Variants in PACRGL observed in about 807,000 individuals in gnomAD.
PACRGL encodes the protein parkin coregulated like.
A neutral mutation model predicts 34.5 loss-of-function variants in PACRGL; 38 were observed. The ratio of observed to expected loss-of-function variants is 1.10; its 90% confidence interval spans 0.85 to 1.44. PACRGL has a LOEUF of 1.44. PACRGL is among the 40% of genes most tolerant of loss of function. The pLI is 0.00. For synonymous variants in PACRGL, 128 were observed against 100.1 expected (o/e 1.28, Z -1.66); for missense variants, 305 against 281.4 (o/e 1.08, Z -0.60).
At chr4:20,734,030 T>C (rs1473932642), downstream of PACRGL, among the ~76,000 whole-genome samples, 1 of 152,210 alleles carries the variant, frequency 6.6e-6, no homozygotes, top group African/African-American at 2.4e-5. Context: ...ACACTGAGAA[T>C]GCCCAGGATT....
chr4:20,766,812 T>C, the PACRGL span: 7 of 152,176 alleles, frequency 4.6e-5, no homozygotes, highest in African/African-American at 1.7e-4. Flanking sequence ...TAGAGGAATC[T>C]AGTGCAGTGC....
chr4:20,729,950 T>TAAAACAAAGCTTGTTTGCA lies in PACRGL; in HGVS notation c.*2610_*2628dup, dbSNP rs1463949307. On this transcript the variant is annotated 3_prime_UTR_variant, in exon 9 of 9. Coordinates refer to ENST00000503585, the MANE Select transcript of PACRGL (RefSeq NM_001258345.3). ...AAATCTTTTGGGGATTGCTTTATATTAAAACAAAGCTTGTTTGCATAATAT... is the reference window on the plus strand; with the variant it reads ...AAATCTTTTGGGGATTGCTTTATATTAAAACAAAGCTTGTTTGCAAAAACAAAGCTTGTTTGCATAATAT... The TAAAACAAAGCTTGTTTGCA allele has an allele frequency of 1.4e-3, 1,572 of 1,102,354 alleles. 32 individuals are homozygous for TAAAACAAAGCTTGTTTGCA. The South Asian group carries it at 0.025, about 17-fold the overall frequency. 68.3% of individuals were successfully genotyped at this position (1,102,354 alleles called of 1,614,324 possible).
chr4:20,764,263 T>C, the PACRGL span, among the ~76,000 whole-genome samples: 23 of 152,282 alleles, frequency 1.5e-4, no homozygotes, highest in Non-Finnish European at 1.5e-5. Context: ...TATATAAGCA[T>C]ATATACCGTA....
rs932909578 is a variant in PACRGL, at chr4:20,729,529, T to A, written c.*2188T>A. 11 of 151,540 alleles carry A rather than the reference T, an allele frequency of 7.3e-5. No individual in the cohort carries two copies. Among genetic ancestry groups the A allele is most frequent in the Non-Finnish European group, 8.8e-5 (6 of 67,996 alleles). 9.4% of individuals were successfully genotyped at this position (151,540 alleles called of 1,614,324 possible). A position where few individuals can be genotyped will look rare whatever the true frequency, so the allele number is the denominator to read the frequency against. On this transcript the variant is annotated 3_prime_UTR_variant, in exon 9 of 9. Coordinates refer to ENST00000503585, the MANE Select transcript of PACRGL (RefSeq NM_001258345.3). ...TTAAAAATGCCAGATAAAACTAATT[T>A]CTAACAGAAGGTGGGAAGGCCATAG...
the PACRGL span, among the ~76,000 whole-genome samples, chr4:20,760,051 C>T: frequency 2.0e-5 from 3 of 152,092 alleles, no homozygotes; most frequent in African/African-American, 2.4e-5. Flanking sequence ...TTCAGAGGGG[C>T]GACTATATTT....
intron 8 of PACRGL, 78 bp downstream of exon 8, chr4:20,724,966 A>G: frequency 1.3e-6 from 1 of 758,636 alleles, no homozygotes; most frequent in East Asian, 3.2e-5. Flanking sequence ...TATATATTTA[A>G]CATATACTAT....
the PACRGL span, among the ~76,000 whole-genome samples, chr4:20,763,999 A>C: frequency 6.6e-6 from 1 of 152,318 alleles, no homozygotes; most frequent in Admixed American, 6.5e-5. Context: ...TTTTTTCATT[A>C]GATTTTTCTA....
downstream of PACRGL, among the ~76,000 whole-genome samples, chr4:20,735,518 GTTT>G (rs754949562): frequency 2.3e-5 from 3 of 130,812 alleles, no homozygotes; most frequent in Admixed American, 8.1e-5. Flanking sequence ...TTCATTTAGT[GTTT>G]TTTTTTTTGT....
intron 8 of PACRGL, among the ~76,000 whole-genome samples, chr4:20,742,292 G>A (rs755425636): frequency 3.1e-4 from 47 of 152,296 alleles, no homozygotes; most frequent in Non-Finnish European, 4.7e-4. Context: ...CAATATCCCT[G>A]CTGAACATCG....
chr4:20,705,924 A>G (rs1362238474), intron 3 of PACRGL, among the ~76,000 whole-genome samples: 2 of 147,332 alleles, frequency 1.4e-5, no homozygotes, highest in Non-Finnish European at 3.0e-5. Flanking sequence ...AAACTTTCAG[A>G]TTTTTCAACT....
At chr4:20,720,906 A>G (rs1427591983) in intron 7 of PACRGL, among the ~76,000 whole-genome samples, 2 of 152,108 alleles carry the variant, frequency 1.3e-5, no homozygotes, top group African/African-American at 2.4e-5. Flanking sequence ...CCTGGATAAT[A>G]TCCTGCAGCG....
rs1055201342 is a variant in PACRGL at position 20,700,478 on chromosome 4, T to C, written c.-326T>C. 1.3e-5 allele frequency: 2 copies of C among 152,140 alleles called. No homozygotes were observed. The highest frequency in any genetic ancestry group is 2.9e-5 in the Non-Finnish European group (2 of 68,068). The allele number at this position is 152,140 out of a possible 1,614,324, so 9.4% of individuals were successfully genotyped here. A position where few individuals can be genotyped will look rare whatever the true frequency, so the allele number is the denominator to read the frequency against. On this transcript the variant is annotated 5_prime_UTR_variant, in exon 1 of 9. Transcript: ENST00000503585. ...GCCTCATTTCCCCAAACGCAGGCGC[T>C]CGGTGGCGGTAGCCGCGGTTGTTGG... is the stretch of plus-strand genomic sequence containing the variant.
chr4:20,738,731 A>T (rs1257738434), intron 8 of PACRGL, among the ~76,000 whole-genome samples: 3 of 152,152 alleles, frequency 2.0e-5, no homozygotes. Flanking sequence ...GTTCATCTAA[A>T]CTGGGACTTG....
intron 1 of PACRGL, chr4:20,701,957 G>T: frequency 2.2e-6 from 1 of 454,884 alleles, no homozygotes; most frequent in Admixed American, 2.3e-5. Flanking sequence ...ATTTTGAAAG[G>T]GGATGTAGAC....
chr4:20,761,127 T>C, the PACRGL span, among the ~76,000 whole-genome samples: 1 of 151,872 alleles, frequency 6.6e-6, no homozygotes, highest in Non-Finnish European at 1.5e-5. Flanking sequence ...AGAGAAAGAG[T>C]GTTCTTCAGA....
chr4:20,753,013 A>G (rs1283273342), downstream of PACRGL: 1 of 151,348 alleles, frequency 6.6e-6, no homozygotes, highest in Non-Finnish European at 1.5e-5. Flanking sequence ...TTTACATAAC[A>G]AAAATAGTTA....
At chr4:20,761,679 A>G in the PACRGL span, among the ~76,000 whole-genome samples, 1 of 152,176 alleles carries the variant, frequency 6.6e-6, no homozygotes, top group Admixed American at 6.6e-5. Context: ...GCATCAACAA[A>G]TTTGTTAGCT....
At chr4:20,759,023 A>C in the PACRGL span, 3 of 628,460 alleles carry the variant, frequency 4.8e-6, no homozygotes, top group African/African-American at 5.5e-5. Flanking sequence ...ATTATTACAA[A>C]GGGAATAAAA....
Position 20,732,005 on chromosome 4 carries a change from C to T in PACRGL, c.*4664C>T. 6.2e-7 allele frequency: 1 copy of T among 1,613,402 alleles called. No homozygotes were observed. Among genetic ancestry groups the T allele is most frequent in the Non-Finnish European group, 8.5e-7 (1 of 1,179,750 alleles). On this transcript the variant is annotated 3_prime_UTR_variant, in exon 9 of 9. Coordinates refer to ENST00000503585, the MANE Select transcript of PACRGL (RefSeq NM_001258345.3). Reference sequence around the variant, plus strand: ...ATAGTTATTACACTTTCATTACTTACTTTTTGGCAGCTTTCAATGAACTCA... The same window carrying T: ...ATAGTTATTACACTTTCATTACTTATTTTTTGGCAGCTTTCAATGAACTCA...
Sources: allele counts gnomAD v4.1 joint callset (sites outside exome capture counted in the v4.1 genomes callset), GRCh38; gene constraint gnomAD v4.1.1; transcripts MANE v1.5; gene names NCBI Gene and HGNC (gene_info 2026-07-23, HGNC 2026-07-21).